The following EPB41L4A variants were observed in gnomAD, a reference collection of about 807,000 sequenced individuals.
EPB41L4A encodes erythrocyte membrane protein band 4.1 like 4A, also known as band 4.1-like protein 4A.
EPB41L4A carries 100 observed loss-of-function variants against 108.6 expected under a neutral mutation model. That is an observed-to-expected ratio of 0.92 (90% CI 0.78 to 1.09). EPB41L4A has a LOEUF of 1.09. Among genes scored for constraint, EPB41L4A ranks in the 50% least tolerant of loss-of-function variants. The probability of loss-of-function intolerance (pLI) is 0.00; values close to 1 mark genes in which losing one functional copy is unlikely to be tolerated. For synonymous variants in EPB41L4A, 319 were observed against 289.0 expected, an observed-to-expected ratio of 1.10 and a Z score of -1.05; for missense variants, 1,030 against 842.7, an observed-to-expected ratio of 1.22 and a Z score of -2.75.
At chr5:112,390,208 C>T (rs1760842010) in intron 1 of EPB41L4A, among the ~76,000 whole-genome samples, 1 of 152,134 alleles carries the variant, frequency 6.6e-6, no homozygotes, top group African/African-American at 2.4e-5. Flanking sequence ...ACAGTGGGTG[C>T]AGCCCACAGA....
chr5:112,236,585 A>C (rs1440822856), intron 11 of EPB41L4A, among the ~76,000 whole-genome samples: 1 of 152,188 alleles, frequency 6.6e-6, no homozygotes, highest in East Asian at 1.9e-4. Flanking sequence ...TAAGGTGATG[A>C]AAGTCCCTGC....
chr5:112,276,547 G>A (rs1457297562), intron 3 of EPB41L4A, among the ~76,000 whole-genome samples: 2 of 152,026 alleles, frequency 1.3e-5, no homozygotes, highest in Non-Finnish European at 2.9e-5. Context: ...AGTGGTTACG[G>A]GTGTTAATTT....
At chr5:112,161,323 G>A, downstream of EPB41L4A, 1 of 365,566 alleles carries the variant, frequency 2.7e-6, no homozygotes, top group Non-Finnish European at 5.4e-6. Context: ...TGCAAGACCA[G>A]TCGCCATTTA....
At chr5:112,388,277 C>T (rs1434689530) in intron 1 of EPB41L4A, among the ~76,000 whole-genome samples, 2 of 152,148 alleles carry the variant, frequency 1.3e-5, no homozygotes, top group Non-Finnish European at 2.9e-5. Context: ...CTGATGCCAG[C>T]CAGAGTCAGC....
At chr5:112,297,350 G>A (rs138354088) in intron 2 of EPB41L4A, among the ~76,000 whole-genome samples, 157 of 152,204 alleles carry the variant, frequency 1.0e-3, no homozygotes, top group Middle Eastern at 6.8e-3. Context: ...GGGTAAGGTG[G>A]TATTGCATTG....
chr5:112,208,623 C>T (rs181317790), intron 13 of EPB41L4A, among the ~76,000 whole-genome samples: 11 of 152,294 alleles, frequency 7.2e-5, no homozygotes, highest in Admixed American at 2.0e-4. Flanking sequence ...ACGTACTGTG[C>T]TCACTACCTG....
chr5:112,180,742 A>G (rs1761105265), intron 18 of EPB41L4A, among the ~76,000 whole-genome samples: 1 of 152,176 alleles, frequency 6.6e-6, no homozygotes, highest in South Asian at 2.1e-4. Context: ...CTCATCAAAA[A>G]GCAATGTTAA....
chr5:112,237,443 C>T (rs1413998635), intron 11 of EPB41L4A, among the ~76,000 whole-genome samples: 3 of 152,252 alleles, frequency 2.0e-5, no homozygotes, highest in Admixed American at 6.5e-5. Flanking sequence ...TCTTGTCTTC[C>T]TCCATCACAT....
chr5:112,204,334 T>A (rs1380340087), intron 15 of EPB41L4A, 41 bp downstream of exon 15: 1 of 1,377,296 alleles, frequency 7.3e-7, no homozygotes, highest in Non-Finnish European at 1.0e-6. Flanking sequence ...ACAAAATGCT[T>A]CTGTTGAAAG....
intron 3 of EPB41L4A, among the ~76,000 whole-genome samples, chr5:112,278,479 T>C (rs1384228450): frequency 1.3e-5 from 2 of 152,110 alleles, no homozygotes; most frequent in South Asian, 4.2e-4. Context: ...CTTCAACTCC[T>C]GACCTCAGGT....
intron 1 of EPB41L4A, among the ~76,000 whole-genome samples, chr5:112,332,062 G>A (rs936769048): frequency 1.3e-5 from 2 of 152,192 alleles, no homozygotes; most frequent in African/African-American, 4.8e-5. Flanking sequence ...GGAATCTAAG[G>A]GATCTGGTGT....
chr5:112,259,103 G>C (rs549149399), intron 9 of EPB41L4A, 126 bp downstream of exon 9: 1 of 717,938 alleles, frequency 1.4e-6, no homozygotes, highest in Admixed American at 2.3e-5. Flanking sequence ...TTGTGCATGT[G>C]AGTTAATTAA....
chr5:112,278,602 G>C (rs947412477), intron 3 of EPB41L4A, among the ~76,000 whole-genome samples: 3 of 152,004 alleles, frequency 2.0e-5, no homozygotes. Context: ...CTGCATTATA[G>C]ACTGATACTT....
intron 9 of EPB41L4A, among the ~76,000 whole-genome samples, chr5:112,253,202 G>A (rs889993666): frequency 6.6e-6 from 1 of 152,160 alleles, no homozygotes; most frequent in African/African-American, 2.4e-5. Context: ...ACTGTAATGA[G>A]TGATCAAACT....
intron 9 of EPB41L4A, among the ~76,000 whole-genome samples, chr5:112,243,717 T>C (rs1749986783): frequency 4.6e-5 from 7 of 152,234 alleles, no homozygotes; most frequent in Admixed American, 4.6e-4. Flanking sequence ...AGATGGCTAC[T>C]GTCCTTCAAC....
rs369901696 is a variant in EPB41L4A at position 112,328,101 on chromosome 5, A to T, written c.100-20611T>A. 3.3e-5 allele frequency among the ~76,000 whole-genome samples: 5 copies of T among 152,294 alleles called. No individual in the cohort carries two copies. The South Asian group carries it at 1.0e-3, about 32-fold the overall frequency. ...AAGGCAGGCAGATCACAAAGTCAGG[A>T]GATCGAGACCATCCTGGCTAACACA... On this transcript the variant is annotated intron_variant, in intron 1 of 22. Coordinates refer to ENST00000261486, the MANE Select transcript of EPB41L4A (RefSeq NM_022140.5).
At chr5:112,251,846 AGAAG>A (rs924849713) in intron 9 of EPB41L4A, among the ~76,000 whole-genome samples, 3 of 152,222 alleles carry the variant, frequency 2.0e-5, no homozygotes, top group Non-Finnish European at 4.4e-5. Flanking sequence ...ACAGGAATGA[AGAAG>A]GAAGACATGA....
At chr5:112,318,567 T>A (rs915927860) in intron 1 of EPB41L4A, among the ~76,000 whole-genome samples, 8 of 152,164 alleles carry the variant, frequency 5.3e-5, no homozygotes, top group Admixed American at 5.2e-4. Context: ...TCACTCCAAC[T>A]GCCTAATCAA....
intron 7 of EPB41L4A, among the ~76,000 whole-genome samples, chr5:112,261,993 G>T (rs760200419): frequency 1.5e-4 from 22 of 149,184 alleles, no homozygotes; most frequent in Middle Eastern, 3.4e-3. Context: ...GGTGGTTCAA[G>T]CCATTCTCCT....
Sources: allele counts gnomAD v4.1 joint callset (sites outside exome capture counted in the v4.1 genomes callset), GRCh38; gene constraint gnomAD v4.1.1; transcripts MANE v1.5; gene names NCBI Gene and HGNC (gene_info 2026-07-23, HGNC 2026-07-21).